The following ZNF804A variants were observed in gnomAD, a reference collection of about 807,000 sequenced individuals.
ZNF804A encodes the protein zinc finger protein 804A.
ZNF804A carries 2 observed loss-of-function variants against 16.5 expected under a neutral mutation model. The observed-to-expected ratio is 0.12, with a 90% confidence interval of 0.05 to 0.38. The LOEUF (loss-of-function observed/expected upper bound fraction) is 0.38. Among genes scored for constraint, ZNF804A ranks in the 10% least tolerant of loss-of-function variants. ZNF804A has a pLI of 0.99. For missense variants in ZNF804A, 1,473 were observed against 1,390.7 expected (o/e 1.06, Z -0.94); for synonymous variants, 534 against 489.6 (o/e 1.09, Z -1.20).
intron 2 of ZNF804A, among the ~76,000 whole-genome samples, chr2:184,903,600 A>G (rs1685220022): frequency 6.6e-6 from 1 of 152,156 alleles, no homozygotes; most frequent in Non-Finnish European, 1.5e-5. Context: ...GTAGTATAAG[A>G]GTTTGTAACA....
intron 2 of ZNF804A, among the ~76,000 whole-genome samples, chr2:184,887,935 C>A (rs1390400081): frequency 6.6e-6 from 1 of 151,994 alleles, no homozygotes; most frequent in African/African-American, 2.4e-5. Context: ...TATATATGGA[C>A]ACAAAGAGGG....
chr2:184,918,473 T>C (rs1411655005), intron 2 of ZNF804A, among the ~76,000 whole-genome samples: 1 of 152,060 alleles, frequency 6.6e-6, no homozygotes, highest in Non-Finnish European at 1.5e-5. Context: ...GGCTGATGAA[T>C]CCTGGCTGTA....
intron 1 of ZNF804A, among the ~76,000 whole-genome samples, chr2:184,632,899 T>C (rs769335493): frequency 1.3e-5 from 2 of 152,190 alleles, no homozygotes; most frequent in Non-Finnish European, 2.9e-5. Context: ...AATGCCTCCA[T>C]GTAGCAAACA....
rs1695234017 is a variant in ZNF804A, at chr2:184,829,923, CAAAAACA to C, written c.112-36440_112-36434del. 2.1e-4 allele frequency among the ~76,000 whole-genome samples: 14 copies of C among 66,472 alleles called. No homozygotes were observed. In the South Asian group the frequency reaches 3.6e-3, roughly 17 times the overall value. The allele number at this position is 66,472 out of a possible 152,430, so 43.6% of individuals were successfully genotyped here. On this transcript the variant is annotated intron_variant, in intron 1 of 3. Transcript: ENST00000302277. ...CCAAAAAAAAAAAAAAAAAAAAAAA[CAAAAACA>C]AAAAAAAAAAAACCACACACACACA... is the stretch of plus-strand genomic sequence containing the variant.
chr2:184,688,645 T>C (rs1236621920), intron 1 of ZNF804A, among the ~76,000 whole-genome samples: 2 of 152,188 alleles, frequency 1.3e-5, no homozygotes, highest in Non-Finnish European at 2.9e-5. Context: ...TAATGTTTAC[T>C]TGACAAGGGA....
chr2:184,936,343 T>G lies in ZNF804A; in HGVS notation c.947T>G (p.Leu316Arg). 6.2e-7 allele frequency: 1 copy of G among 1,613,886 alleles called. No homozygotes were observed. The highest frequency in any genetic ancestry group is 1.1e-5 in the South Asian group (1 of 91,078). Residue 316 changes from leucine (L) to arginine (R), a missense_variant, in exon 4 of 4, where the codon CTT becomes CGT. By Grantham distance (102) the Leu-to-Arg change is moderately radical (BLOSUM62 -2). Transcript: ENST00000302277. ...LLLPSFCKFQLQLSSDADNCQ... is the reference protein window; with the variant it reads ...LLLPSFCKFQRQLSSDADNCQ... Reference sequence around the variant, plus strand: ...TTACCTTCATTTTGCAAGTTTCAACTTCAGTTATCTTCTGATGCAGATAAT... The same window carrying G: ...TTACCTTCATTTTGCAAGTTTCAACGTCAGTTATCTTCTGATGCAGATAAT...
intron 1 of ZNF804A, among the ~76,000 whole-genome samples, chr2:184,684,766 A>G (rs1474643707): frequency 6.6e-6 from 1 of 152,108 alleles, no homozygotes; most frequent in Admixed American, 6.6e-5. Context: ...GCTTCTGTTA[A>G]AGTTAATATT....
At chr2:184,606,448 C>G (rs1309175594) in intron 1 of ZNF804A, among the ~76,000 whole-genome samples, 1 of 152,168 alleles carries the variant, frequency 6.6e-6, no homozygotes, top group Non-Finnish European at 1.5e-5. Context: ...GATCCAGTCA[C>G]TTCCCTCCCT....
rs144280077 is a variant in ZNF804A at position 184,777,163 on chromosome 2, A to G, written c.112-89206A>G. Among the ~76,000 whole-genome samples the G allele has an allele frequency of 6.8e-4, 103 of 151,654 alleles. No homozygotes were observed. The East Asian group carries it at 0.016, about 24-fold the overall frequency. On this transcript the variant is annotated intron_variant, in intron 1 of 3. Transcript: ENST00000302277. Reference sequence around the variant, plus strand: ...ATCCTCCTTACCCAAAAGACACCTTACAGATCTTTCAACCCCCAAACTATT... The same window carrying G: ...ATCCTCCTTACCCAAAAGACACCTTGCAGATCTTTCAACCCCCAAACTATT...
At chr2:184,807,716 G>A (rs573867313) in intron 1 of ZNF804A, among the ~76,000 whole-genome samples, 55 of 151,794 alleles carry the variant, frequency 3.6e-4, no homozygotes, top group African/African-American at 1.3e-3. Flanking sequence ...TTGAATTATG[G>A]ACTGATGAGT....
intron 2 of ZNF804A, among the ~76,000 whole-genome samples, chr2:184,871,218 G>A (rs1327626122): frequency 6.6e-6 from 1 of 151,726 alleles, no homozygotes; most frequent in Non-Finnish European, 1.5e-5. Flanking sequence ...TGAGGAGTAG[G>A]AAGCTACTGG....
intron 1 of ZNF804A, among the ~76,000 whole-genome samples, chr2:184,853,482 G>A (rs1485038206): frequency 6.6e-6 from 1 of 151,804 alleles, no homozygotes; most frequent in Non-Finnish European, 1.5e-5. Context: ...TCTGATATCA[G>A]AGGAAAAGCT....
At chr2:184,935,738 C>A in intron 3 of ZNF804A, 45 bp from the exon 4 acceptor site, 1 of 1,471,416 alleles carries the variant, frequency 6.8e-7, no homozygotes, top group East Asian at 2.3e-5. Flanking sequence ...ATTTTTTTTT[C>A]TCAAAAGTGT....
At chr2:184,633,639 T>C (rs979807803) in intron 1 of ZNF804A, among the ~76,000 whole-genome samples, 53 of 152,222 alleles carry the variant, frequency 3.5e-4, no homozygotes, top group African/African-American at 1.3e-3. Flanking sequence ...CCTGATAAAA[T>C]ATTTGAAATC....
At chr2:184,762,844 C>T (rs1694059952) in intron 1 of ZNF804A, among the ~76,000 whole-genome samples, 1 of 151,900 alleles carries the variant, frequency 6.6e-6, no homozygotes. Context: ...AATGAATTTG[C>T]AAATAAACAT....
intron 1 of ZNF804A, among the ~76,000 whole-genome samples, chr2:184,746,495 G>A (rs1247945398): frequency 1.3e-5 from 2 of 151,326 alleles, no homozygotes; most frequent in African/African-American, 4.8e-5. Context: ...AATAATATCA[G>A]GGTGAATGGG....
At chr2:184,674,338 A>G (rs560581114) in intron 1 of ZNF804A, among the ~76,000 whole-genome samples, 6 of 152,164 alleles carry the variant, frequency 3.9e-5, no homozygotes, top group Non-Finnish European at 7.4e-5. Flanking sequence ...GAGAATAAAC[A>G]TAATATTCAA....
intron 2 of ZNF804A, among the ~76,000 whole-genome samples, chr2:184,878,084 C>T (rs1053959491): frequency 3.9e-5 from 6 of 152,116 alleles, no homozygotes; most frequent in Admixed American, 2.0e-4. Flanking sequence ...CTCAATTTGA[C>T]AGCAGAATGT....
chr2:184,866,662 G>A, intron 2 of ZNF804A, 150 bp downstream of exon 2: 1 of 611,394 alleles, frequency 1.6e-6, no homozygotes, highest in Non-Finnish European at 2.4e-6. Flanking sequence ...ATAATTTGAT[G>A]ACTTACAGCA....
Sources: allele counts gnomAD v4.1 joint callset (sites outside exome capture counted in the v4.1 genomes callset), GRCh38; gene constraint gnomAD v4.1.1; transcripts MANE v1.5; gene names NCBI Gene and HGNC (gene_info 2026-07-23, HGNC 2026-07-21).